CREB5: variants seen among roughly 807,000 people sequenced by gnomAD.
The protein encoded by CREB5 is cAMP responsive element binding protein 5, also known as cyclic AMP-responsive element-binding protein 5.
In CREB5, 19 loss-of-function variants were observed where a neutral mutation model predicts 57.1. The ratio of observed to expected loss-of-function variants is 0.33; its 90% CI spans 0.23 to 0.49. The LOEUF (loss-of-function observed/expected upper bound fraction) is 0.49, where lower values mean the gene tolerates loss of function less well. Ranked by LOEUF, CREB5 falls within the 20% of genes least tolerant of loss-of-function variation. The pLI is 0.99. For synonymous variants in CREB5, 238 were observed against 238.3 expected, an observed-to-expected ratio of 1.00 and a Z score of 0.01; for missense variants, 579 against 671.6, an observed-to-expected ratio of 0.86 and a Z score of 1.52.
chr7:28,410,262 G>C, upstream of CREB5: 1 of 455,552 alleles, frequency 2.2e-6, no homozygotes, highest in Non-Finnish European at 4.4e-6. Flanking sequence ...CCACTCCTCC[G>C]GCCGCCTCCT....
chr7:28,773,192 CTG>C (rs1806429775), intron 7 of CREB5, among the ~76,000 whole-genome samples: 1 of 151,948 alleles, frequency 6.6e-6, no homozygotes, highest in Admixed American at 6.6e-5. Flanking sequence ...CACTTTAAGA[CTG>C]TTTGTTTGAC....
intron 1 of CREB5, among the ~76,000 whole-genome samples, chr7:28,460,665 T>C (rs1466792281): frequency 6.6e-6 from 1 of 152,102 alleles, no homozygotes; most frequent in Non-Finnish European, 1.5e-5. Context: ...AACATAGGAA[T>C]TGGCAATAAG....
At chr7:28,578,689 T>C (rs1202210846) in intron 5 of CREB5, among the ~76,000 whole-genome samples, 2 of 152,196 alleles carry the variant, frequency 1.3e-5, no homozygotes, top group African/African-American at 4.8e-5. Context: ...AATCTAGAAA[T>C]TTGGAGATAG....
At chr7:28,628,373 G>T (rs1015450325) in intron 5 of CREB5, among the ~76,000 whole-genome samples, 1 of 152,110 alleles carries the variant, frequency 6.6e-6, no homozygotes, top group African/African-American at 2.4e-5. Flanking sequence ...TCTGTCTCCT[G>T]TCTGGTCACC....
At chr7:28,401,732 G>T (rs932006906) in intron 1 of CREB5, among the ~76,000 whole-genome samples, 4 of 152,174 alleles carry the variant, frequency 2.6e-5, no homozygotes, top group African/African-American at 9.7e-5. Flanking sequence ...TTCCTACAAA[G>T]GACATGAACT....
chr7:28,417,424 G>T (rs1788072937), intron 1 of CREB5, among the ~76,000 whole-genome samples: 1 of 150,112 alleles, frequency 6.7e-6, no homozygotes, highest in Admixed American at 6.7e-5. Flanking sequence ...TCTCAATTTG[G>T]ACTAGCCACA....
Position 28,504,454 on chromosome 7 carries a change from G to A in CREB5, c.170-3162G>A, listed in dbSNP as rs1036416240. 2.6e-5 allele frequency among the ~76,000 whole-genome samples: 4 copies of A among 152,100 alleles called. No homozygotes were observed. The East Asian group carries it at 7.7e-4, about 29-fold the overall frequency. ...TTGAGTATTGATAGGAGGCCCTTGG[G>A]GGGTTTACAGGAGCTGGTTTCAATA... On this transcript the variant is annotated intron_variant, in intron 3 of 10. Coordinates refer to ENST00000357727, the MANE Select transcript of CREB5 (RefSeq NM_182898.4).
intron 9 of CREB5, among the ~76,000 whole-genome samples, chr7:28,811,501 C>T (rs1452499172): frequency 6.6e-6 from 1 of 152,072 alleles, no homozygotes; most frequent in East Asian, 1.9e-4. Context: ...GTGTTCCTCC[C>T]ACCTCAGCCT....
chr7:28,502,533 T>C (rs1303774678), intron 3 of CREB5, among the ~76,000 whole-genome samples: 1 of 152,226 alleles, frequency 6.6e-6, no homozygotes, highest in South Asian at 2.1e-4. Flanking sequence ...TTTTGTTTGG[T>C]TGAATCTGAG....
intron 1 of CREB5, among the ~76,000 whole-genome samples, chr7:28,381,617 C>T (rs1217621067): frequency 6.6e-6 from 1 of 152,212 alleles, no homozygotes; most frequent in Admixed American, 6.5e-5. Context: ...AAAACACATT[C>T]CTCTGCCCTC....
At chr7:28,306,541 GTTTTGTTTTTTT>G (rs1785186241) in intron 1 of CREB5, among the ~76,000 whole-genome samples, 2 of 44,458 alleles carry the variant, frequency 4.5e-5, no homozygotes, top group African/African-American at 1.5e-4. Context: ...TACAGATACA[GTTTTGTTTTTTT>G]TGTTTTTTTT....
chr7:28,722,355 T>C (rs1372010024), intron 6 of CREB5, among the ~76,000 whole-genome samples: 1 of 152,152 alleles, frequency 6.6e-6, no homozygotes, highest in Non-Finnish European at 1.5e-5. Flanking sequence ...TTGATTTCCC[T>C]CTCTGAGAGG....
intron 5 of CREB5, among the ~76,000 whole-genome samples, chr7:28,665,125 T>C (rs1198848870): frequency 1.3e-5 from 2 of 152,166 alleles, no homozygotes; most frequent in Non-Finnish European, 2.9e-5. Flanking sequence ...GGTTATCTCA[T>C]TTCTCTATGG....
At chr7:28,493,932 G>T (rs544686804) in intron 2 of CREB5, among the ~76,000 whole-genome samples, 1 of 152,266 alleles carries the variant, frequency 6.6e-6, no homozygotes, top group East Asian at 1.9e-4. Context: ...TTCATAAATG[G>T]AAATATACTG....
intron 7 of CREB5, among the ~76,000 whole-genome samples, chr7:28,736,181 T>C (rs963254301): frequency 6.6e-6 from 1 of 152,092 alleles, no homozygotes; most frequent in African/African-American, 2.4e-5. Context: ...TGTTTTGTTT[T>C]GTTTTGAGAC....
chr7:28,798,592 C>T (rs917903593), intron 7 of CREB5, among the ~76,000 whole-genome samples: 1 of 152,190 alleles, frequency 6.6e-6, no homozygotes, highest in Non-Finnish European at 1.5e-5. Context: ...ACCAAGAACC[C>T]GGCAGCAGGC....
intron 1 of CREB5, among the ~76,000 whole-genome samples, chr7:28,455,716 A>C (rs1227358254): frequency 6.6e-6 from 1 of 152,142 alleles, no homozygotes; most frequent in African/African-American, 2.4e-5. Flanking sequence ...TGGGTGAAAC[A>C]CTGCAAAGCC....
chr7:28,672,062 A>C (rs1800065448), intron 5 of CREB5, among the ~76,000 whole-genome samples: 1 of 152,160 alleles, frequency 6.6e-6, no homozygotes, highest in African/African-American at 2.4e-5. Context: ...ATTTTACTAC[A>C]ATGAATTAAA....
intron 5 of CREB5, among the ~76,000 whole-genome samples, chr7:28,625,478 T>A (rs1797965052): frequency 6.6e-6 from 1 of 151,768 alleles, no homozygotes; most frequent in Non-Finnish European, 1.5e-5. Flanking sequence ...GTTCTCAGAG[T>A]TGACTTATAT....
Sources: gnomAD v4.1 joint callset for allele counts (sites outside exome capture counted in the v4.1 genomes callset) on GRCh38, gnomAD v4.1.1 for gene constraint, MANE v1.5 for transcripts, NCBI Gene and HGNC (gene_info 2026-07-23, HGNC 2026-07-21) for gene names.